DLG2: variants seen among roughly 807,000 people sequenced by gnomAD.
DLG2 encodes discs large MAGUK scaffold protein 2.
A neutral mutation model predicts 132.5 loss-of-function variants in DLG2; 45 were observed. The observed-to-expected ratio is 0.34, with a 90% CI of 0.27 to 0.44. The LOEUF (loss-of-function observed/expected upper bound fraction) is 0.44. Among genes scored for constraint, DLG2 ranks in the 20% least tolerant of loss-of-function variants. The pLI is 1.00. For missense variants in DLG2, 1,045 were observed against 1,196.9 expected (o/e 0.87, Z 1.87); for synonymous variants, 424 against 419.6 (o/e 1.01, Z -0.13).
rs572138151 is a variant in DLG2, at chr11:84,946,279, A to C, written c.357+165382T>G. On this transcript the variant is annotated intron_variant, in intron 6 of 27. Transcript: ENST00000376104. ...CTTCCCTTTCCTTTCTTCAAACAGA[A>C]GGAATCCCTTCTCCATGGCCACCAC... 1.1e-3 allele frequency among the ~76,000 whole-genome samples: 175 copies of C among 152,210 alleles called. 1 individual carries two copies. The highest frequency in any genetic ancestry group is 4.0e-3 in the African/African-American group (167 of 41,546).
intron 3 of DLG2, among the ~76,000 whole-genome samples, chr11:85,499,706 T>G (rs879137513): frequency 6.6e-6 from 1 of 152,184 alleles, no homozygotes; most frequent in African/African-American, 2.4e-5. Context: ...AATAAAATAC[T>G]GGCAAACCAA....
At chr11:84,697,281 G>T (rs757200580) in intron 6 of DLG2, among the ~76,000 whole-genome samples, 2 of 151,388 alleles carry the variant, frequency 1.3e-5, no homozygotes, top group African/African-American at 4.8e-5. Context: ...TAATCACAAA[G>T]AATCTAATAT....
intron 3 of DLG2, among the ~76,000 whole-genome samples, chr11:85,551,580 A>T (rs2076668002): frequency 6.6e-6 from 1 of 152,098 alleles, no homozygotes; most frequent in Non-Finnish European, 1.5e-5. Context: ...AAATATATTT[A>T]AAAATTACAA....
At chr11:84,648,218 G>C (rs1353827615) in intron 6 of DLG2, among the ~76,000 whole-genome samples, 2 of 152,156 alleles carry the variant, frequency 1.3e-5, no homozygotes, top group Non-Finnish European at 2.9e-5. Context: ...ATACTAAAAA[G>C]GAACTTGGAG....
At chr11:84,244,151 G>T (rs2097270947) in intron 8 of DLG2, among the ~76,000 whole-genome samples, 1 of 152,020 alleles carries the variant, frequency 6.6e-6, no homozygotes, top group African/African-American at 2.4e-5. Flanking sequence ...GCAGACTGAC[G>T]CATCCCAGAC....
At chr11:85,013,502 G>A (rs1056510876) in intron 6 of DLG2, among the ~76,000 whole-genome samples, 1 of 152,120 alleles carries the variant, frequency 6.6e-6, no homozygotes, top group African/African-American at 2.4e-5. Flanking sequence ...TGTCCTCATT[G>A]TTACTAATGT....
At chr11:84,482,885 A>G (rs888281175) in intron 7 of DLG2, among the ~76,000 whole-genome samples, 2 of 152,230 alleles carry the variant, frequency 1.3e-5, no homozygotes, top group Admixed American at 6.5e-5. Flanking sequence ...CAAAAAATTA[A>G]ATGAGTAAAT....
At chr11:84,797,682 T>C (rs552207821) in intron 6 of DLG2, among the ~76,000 whole-genome samples, 1 of 152,222 alleles carries the variant, frequency 6.6e-6, no homozygotes, top group Non-Finnish European at 1.5e-5. Flanking sequence ...TTGGATTGTC[T>C]GAAAGGTTAC....
intron 14 of DLG2, among the ~76,000 whole-genome samples, chr11:83,962,495 T>C (rs1479802219): frequency 6.6e-6 from 1 of 152,036 alleles, no homozygotes; most frequent in East Asian, 1.9e-4. Context: ...TTATTATTCA[T>C]TTACCCATTG....
intron 6 of DLG2, among the ~76,000 whole-genome samples, chr11:84,670,248 T>C (rs1487477527): frequency 6.6e-6 from 1 of 152,136 alleles, no homozygotes; most frequent in African/African-American, 2.4e-5. Context: ...AAAATGTCCA[T>C]ATTCTCAGAG....
intron 6 of DLG2, chr11:84,997,444 A>G (rs1336440339): frequency 2.0e-5 from 3 of 152,146 alleles, no homozygotes; most frequent in Non-Finnish European, 4.4e-5. Context: ...CCTTCAGAAG[A>G]TGCATCTTGT....
chr11:85,071,226 A>G (rs919076383), intron 6 of DLG2, among the ~76,000 whole-genome samples: 3 of 151,798 alleles, frequency 2.0e-5, no homozygotes, highest in Non-Finnish European at 4.4e-5. Flanking sequence ...CCAGACTTTG[A>G]AATTAAACCT....
chr11:84,483,856 A>G (rs1441110002), intron 7 of DLG2, among the ~76,000 whole-genome samples: 3 of 152,176 alleles, frequency 2.0e-5, no homozygotes, highest in Non-Finnish European at 4.4e-5. Flanking sequence ...TATGCAATGG[A>G]GAGTTCGTTG....
intron 4 of DLG2, among the ~76,000 whole-genome samples, chr11:85,194,765 T>A (rs1367283691): frequency 6.6e-6 from 1 of 152,120 alleles, no homozygotes. Flanking sequence ...TCATACCGAT[T>A]GGGATGGGGG....
At chr11:85,395,537 G>A (rs910925328) in intron 3 of DLG2, among the ~76,000 whole-genome samples, 2 of 152,102 alleles carry the variant, frequency 1.3e-5, no homozygotes, top group Non-Finnish European at 2.9e-5. Flanking sequence ...CTAGAGAAAC[G>A]GTACACTCTG....
chr11:84,726,299 G>A (rs1045316932), intron 6 of DLG2, among the ~76,000 whole-genome samples: 1 of 152,038 alleles, frequency 6.6e-6, no homozygotes, highest in African/African-American at 2.4e-5. Flanking sequence ...GGTGTGTGAT[G>A]TTCCCCTCCC....
chr11:83,587,593 TAG>T (rs745872677), intron 19 of DLG2, among the ~76,000 whole-genome samples: 68 of 152,316 alleles, frequency 4.5e-4, no homozygotes, highest in South Asian at 2.9e-3. Context: ...AATTTATATA[TAG>T]AGAGAGTTTC....
chr11:84,860,816 T>C (rs1251458536), intron 6 of DLG2, among the ~76,000 whole-genome samples: 1 of 144,026 alleles, frequency 6.9e-6, no homozygotes, highest in South Asian at 2.2e-4. Context: ...ATGAAAACAC[T>C]GAAGACAAGA....
chr11:84,079,493 G>A (rs2096874147), intron 10 of DLG2, among the ~76,000 whole-genome samples: 1 of 151,950 alleles, frequency 6.6e-6, no homozygotes. Flanking sequence ...ATTTTGGCTA[G>A]GCTGGTCTTG....
Sources: gnomAD v4.1 joint callset for allele counts (sites outside exome capture counted in the v4.1 genomes callset) on GRCh38, gnomAD v4.1.1 for gene constraint, MANE v1.5 for transcripts, NCBI Gene and HGNC (gene_info 2026-07-23, HGNC 2026-07-21) for gene names.